Variants in LRRC63 observed in about 807,000 individuals in gnomAD.
The protein encoded by LRRC63 is leucine-rich repeat-containing protein 63.
Under a neutral mutation model 49.5 loss-of-function variants are expected in LRRC63, and 40 were observed. The observed-to-expected ratio is 0.81, with a 90% CI of 0.63 to 1.05. The LOEUF (loss-of-function observed/expected upper bound fraction) is 1.05. Among genes scored for constraint, LRRC63 ranks in the 50% least tolerant of loss-of-function variants. LRRC63 has a pLI of 0.00. For missense variants in LRRC63, 636 were observed against 663.1 expected (o/e 0.96, Z 0.45); for synonymous variants, 191 against 221.1 (o/e 0.86, Z 1.21).
intron 5 of LRRC63, among the ~76,000 whole-genome samples, chr13:46,243,880 G>T (rs1399953365): frequency 6.6e-6 from 1 of 152,084 alleles, no homozygotes; most frequent in Non-Finnish European, 1.5e-5. Flanking sequence ...CATTGATAAA[G>T]AATAAATCTT....
chr13:46,260,380 G>A (rs2047594919), intron 7 of LRRC63, among the ~76,000 whole-genome samples: 1 of 152,214 alleles, frequency 6.6e-6, no homozygotes, highest in African/African-American at 2.4e-5. Flanking sequence ...TTCCTAGTCA[G>A]TCTCATTAAC....
intron 7 of LRRC63, among the ~76,000 whole-genome samples, chr13:46,260,975 T>C (rs116397907): frequency 0.028 from 4,201 of 152,294 alleles, 71 homozygotes; most frequent in Middle Eastern, 0.092. Flanking sequence ...AGAAAGTCTT[T>C]GAGAACAGCA....
chr13:46,276,607 G>T, exon 10 of LRRC63: 1 of 1,230,494 alleles, frequency 8.1e-7, no homozygotes, highest in Non-Finnish European at 1.0e-6. Context: ...AGGTGTGAAT[G>T]GTGTCATGGT....
In LRRC63 at chr13:46,250,507, T is replaced by G; in HGVS notation, c.1226+16T>G. ...TTCCAATTGGGTAAGGTTGATGGTC[T>G]GAGATTATAAACACAGAAAATAATT... On this transcript the variant is annotated intron_variant, in intron 7 of 9. Transcript: ENST00000595396. The G allele has an allele frequency of 6.7e-7, 1 of 1,483,696 alleles. No individual in the cohort carries two copies. The highest frequency in any genetic ancestry group is 9.0e-7 in the Non-Finnish European group (1 of 1,107,316). 91.9% of individuals were successfully genotyped at this position (1,483,696 alleles called of 1,614,324 possible).
chr13:46,230,777 A>C (rs577349301), intron 4 of LRRC63, among the ~76,000 whole-genome samples: 1 of 152,180 alleles, frequency 6.6e-6, no homozygotes, highest in African/African-American at 2.4e-5. Context: ...AATTTTCCAA[A>C]CTTTTACAAT....
intron 2 of LRRC63, among the ~76,000 whole-genome samples, chr13:46,219,420 G>A (rs1230439): frequency 0.48 from 73,292 of 151,926 alleles, 19,233 homozygotes; most frequent in African/African-American, 0.67. Context: ...TATGCTTCAC[G>A]AAGTTCTTGT....
At chr13:46,240,585 G>A (rs888613920) in intron 5 of LRRC63, among the ~76,000 whole-genome samples, 17 of 152,044 alleles carry the variant, frequency 1.1e-4, no homozygotes, top group African/African-American at 3.9e-4. Flanking sequence ...AGAAAACCTC[G>A]TAGTCTCAGC....
chr13:46,216,118 A>G (rs2046244885), intron 2 of LRRC63, among the ~76,000 whole-genome samples: 1 of 152,172 alleles, frequency 6.6e-6, no homozygotes, highest in Non-Finnish European at 1.5e-5. Context: ...TTGGTTCCAT[A>G]TGAAATTTAA....
At chr13:46,255,103 A>G (rs1423961879) in intron 7 of LRRC63, among the ~76,000 whole-genome samples, 1 of 152,008 alleles carries the variant, frequency 6.6e-6, no homozygotes, top group Non-Finnish European at 1.5e-5. Context: ...ATGAAATGCT[A>G]GTATATGCTA....
chr13:46,261,387 G>A (rs1363722245), intron 7 of LRRC63, among the ~76,000 whole-genome samples: 1 of 152,112 alleles, frequency 6.6e-6, no homozygotes, highest in Non-Finnish European at 1.5e-5. Flanking sequence ...GTCCCTATAA[G>A]AAAGGCATGT....
intron 8 of LRRC63, among the ~76,000 whole-genome samples, chr13:46,266,395 A>G (rs2138582855): frequency 6.6e-6 from 1 of 152,326 alleles, no homozygotes; most frequent in African/African-American, 2.4e-5. Context: ...ATGAAAATAT[A>G]TTCTGTGTAT....
At position 46,225,593 on chromosome 13, in the gene LRRC63, G is replaced by A. The variant is rs193114237; in HGVS notation, c.86-1919G>A. Among the ~76,000 whole-genome samples, 305 of 152,294 alleles carry A rather than the reference G, an allele frequency of 2.0e-3. 4 individuals are homozygous for A. Among genetic ancestry groups the A allele is most frequent in the South Asian group, 0.014 (68 of 4,826 alleles). On this transcript the variant is annotated intron_variant, in intron 2 of 9. Transcript: ENST00000595396. ...AAGGAGTTCTGGAGTCTATTGAAGCGTTTGCTGTGTTAATGTGTTTTGTTT... is the reference window on the plus strand; with the variant it reads ...AAGGAGTTCTGGAGTCTATTGAAGCATTTGCTGTGTTAATGTGTTTTGTTT...
At chr13:46,221,991 C>G (rs757984881) in intron 2 of LRRC63, among the ~76,000 whole-genome samples, 4 of 152,176 alleles carry the variant, frequency 2.6e-5, no homozygotes, top group Non-Finnish European at 4.4e-5. Context: ...TTCAGGGTTT[C>G]TTTTTCTCTG....
chr13:46,273,240 G>A (rs1309758415), intron 9 of LRRC63, among the ~76,000 whole-genome samples: 3 of 152,036 alleles, frequency 2.0e-5, no homozygotes, highest in Non-Finnish European at 4.4e-5. Context: ...TCCAGAAAGA[G>A]GAAACAAAAT....
intron 6 of LRRC63, among the ~76,000 whole-genome samples, chr13:46,247,724 T>G (rs1459510309): frequency 6.6e-6 from 1 of 152,026 alleles, no homozygotes; most frequent in Non-Finnish European, 1.5e-5. Flanking sequence ...GTAAGTGGGG[T>G]GATTCAAATT....
intron 7 of LRRC63, among the ~76,000 whole-genome samples, chr13:46,252,585 C>T (rs145101893): frequency 1.3e-5 from 2 of 151,920 alleles, no homozygotes; most frequent in Non-Finnish European, 2.9e-5. Context: ...TGGAGATGTA[C>T]ACAGTAAAAT....
intron 5 of LRRC63, among the ~76,000 whole-genome samples, chr13:46,242,217 G>A (rs1001937425): frequency 6.6e-6 from 1 of 152,126 alleles, no homozygotes; most frequent in African/African-American, 2.4e-5. Flanking sequence ...CTCAGGGACA[G>A]AAAACCAAAT....
intron 8 of LRRC63, among the ~76,000 whole-genome samples, chr13:46,263,924 G>A (rs1219130670): frequency 6.6e-6 from 1 of 152,030 alleles, no homozygotes; most frequent in Non-Finnish European, 1.5e-5. Context: ...GCTGTTTAGC[G>A]TTTTTCCTTA....
chr13:46,214,092 C>G (rs1351756996), intron 2 of LRRC63, among the ~76,000 whole-genome samples: 1 of 152,058 alleles, frequency 6.6e-6, no homozygotes, highest in Non-Finnish European at 1.5e-5. Context: ...TGTATGGTTT[C>G]TATTCCCTCC....
Sources: allele counts gnomAD v4.1 joint callset (sites outside exome capture counted in the v4.1 genomes callset), GRCh38; gene constraint gnomAD v4.1.1; transcripts MANE v1.5; gene names NCBI Gene and HGNC (gene_info 2026-07-23, HGNC 2026-07-21).